Variants in NAV3 observed in about 807,000 individuals in gnomAD.
NAV3 encodes neuron navigator 3, also known as pore membrane and/or filament interacting like protein 1.
In NAV3, 87 loss-of-function variants were observed where a neutral mutation model predicts 244.7. That is an observed-to-expected ratio of 0.36 (90% CI 0.30 to 0.42). The LOEUF is 0.42. Among genes scored for constraint, NAV3 ranks in the 20% least tolerant of loss-of-function variants. The pLI is 1.00. For synonymous variants in NAV3, 1,126 were observed against 1,042.2 expected (o/e 1.08, Z -1.55); for missense variants, 2,663 against 2,893.3 (o/e 0.92, Z 1.83).
Position 78,034,680 on chromosome 12 carries a change from G to A in NAV3, c.2023+12818G>A, listed in dbSNP as rs11107942. 2.2e-3 allele frequency among the ~76,000 whole-genome samples: 332 copies of A among 152,240 alleles called. 4 individuals are homozygous for A. The East Asian group carries it at 0.055, about 25-fold the overall frequency. ...TAGCATATATACTAGTGTAACAAAT[G>A]TTAAATACATTGAAATTTCATAATT... On this transcript the variant is annotated intron_variant, in intron 9 of 39. Transcript: ENST00000397909.
At chr12:77,814,350 A>G (rs915554688) in intron 2 of NAV3, among the ~76,000 whole-genome samples, 3 of 152,166 alleles carry the variant, frequency 2.0e-5, no homozygotes, top group Admixed American at 2.0e-4. Context: ...TGGCCTCCAA[A>G]TCAAATATTC....
At chr12:77,927,943 G>A (rs1156363370) in intron 1 of NAV3, among the ~76,000 whole-genome samples, 1 of 151,982 alleles carries the variant, frequency 6.6e-6, no homozygotes, top group East Asian at 1.9e-4. Context: ...AATGCTGGAA[G>A]TGCACGGTGA....
intron 2 of NAV3, among the ~76,000 whole-genome samples, chr12:77,663,540 A>G (rs1449375595): frequency 1.9e-5 from 2 of 103,032 alleles, no homozygotes; most frequent in African/African-American, 1.3e-4. Flanking sequence ...TTTTTTTTTG[A>G]GACAGAGTTT....
intron 1 of NAV3, among the ~76,000 whole-genome samples, chr12:77,926,794 A>G (rs1210259389): frequency 6.6e-6 from 1 of 152,172 alleles, no homozygotes; most frequent in African/African-American, 2.4e-5. Flanking sequence ...TGCATTGGTC[A>G]AGAACCTGCA....
intron 2 of NAV3, among the ~76,000 whole-genome samples, chr12:77,638,666 A>C (rs1270629829): frequency 6.6e-6 from 1 of 152,204 alleles, no homozygotes; most frequent in African/African-American, 2.4e-5. Flanking sequence ...TGAATTTGTG[A>C]CAGTTTATAT....
At chr12:77,708,701 G>A (rs1875956025) in intron 2 of NAV3, among the ~76,000 whole-genome samples, 1 of 152,144 alleles carries the variant, frequency 6.6e-6, no homozygotes, top group Non-Finnish European at 1.5e-5. Context: ...AGCATGGAAT[G>A]TTCTTCCATT....
At chr12:77,869,345 A>G (rs571793377) in intron 1 of NAV3, among the ~76,000 whole-genome samples, 1 of 152,326 alleles carries the variant, frequency 6.6e-6, no homozygotes, top group Admixed American at 6.5e-5. Context: ...ATTAAGTAAA[A>G]ACAATTTTGA....
rs555939693 is a variant in NAV3 at position 77,781,257 on chromosome 12, G to A, written c.73-159062G>A. Among the ~76,000 whole-genome samples, 5 of 152,244 alleles carry A rather than the reference G, an allele frequency of 3.3e-5. No individual in the cohort carries two copies. In the South Asian group the frequency reaches 1.0e-3, roughly 32 times the overall value. On this transcript the variant is annotated intron_variant, in intron 2 of 8. Coordinates refer to the NAV3 transcript ENST00000550042. ...GCCTGAAAAGAGTAATTCAGGCCATGATGAGAATAGGGGATGGAACATGCC... is the reference window on the plus strand; with the variant it reads ...GCCTGAAAAGAGTAATTCAGGCCATAATGAGAATAGGGGATGGAACATGCC...
intron 3 of NAV3, among the ~76,000 whole-genome samples, chr12:77,961,472 A>G (rs977205809): frequency 1.7e-5 from 2 of 120,888 alleles, no homozygotes; most frequent in South Asian, 5.7e-4. Context: ...ATACATATGT[A>G]TCTATTACAT....
At chr12:77,952,346 A>T (rs145014756) in intron 3 of NAV3, among the ~76,000 whole-genome samples, 92 of 152,220 alleles carry the variant, frequency 6.0e-4, no homozygotes, top group African/African-American at 2.0e-3. Context: ...CTATTTGTTG[A>T]AAAGTTGATC....
intron 34 of NAV3, among the ~76,000 whole-genome samples, chr12:78,192,039 TAGG>T (rs1206051756): frequency 6.6e-6 from 1 of 152,148 alleles, no homozygotes; most frequent in Non-Finnish European, 1.5e-5. Flanking sequence ...TAAAACAAAA[TAGG>T]TAATTCCCAT....
intron 15 of NAV3, 108 bp downstream of exon 15, chr12:78,120,053 T>TATATC: frequency 1.6e-6 from 1 of 635,776 alleles, no homozygotes; most frequent in South Asian, 4.3e-5. Flanking sequence ...ATGTATAAGG[T>TATATC]ATATATATAT....
At chr12:77,835,453 G>A (rs551059724) in intron 1 of NAV3, among the ~76,000 whole-genome samples, 6 of 152,288 alleles carry the variant, frequency 3.9e-5, no homozygotes, top group African/African-American at 9.6e-5. Flanking sequence ...ACATATGACA[G>A]TGTCAGAAAT....
intron 28 of NAV3, 54 bp downstream of exon 28, chr12:78,177,739 T>G: frequency 1.3e-6 from 2 of 1,506,350 alleles, no homozygotes; most frequent in Non-Finnish European, 1.8e-6. Flanking sequence ...CTAACCTAAG[T>G]AGTGTTTGCT....
At chr12:77,772,832 A>G (rs898989260) in intron 2 of NAV3, among the ~76,000 whole-genome samples, 1 of 152,218 alleles carries the variant, frequency 6.6e-6, no homozygotes, top group Non-Finnish European at 1.5e-5. Context: ...GTTACATGAT[A>G]TCACTCAGAC....
At position 78,007,144 on chromosome 12, in the gene NAV3, A is replaced by G. The variant is rs1874376615; in HGVS notation, c.1606A>G (p.Thr536Ala). ...GIPKPGSKVP[T>A]VKQTISPGST... Reference sequence around the variant, plus strand: ...TCCAAAACCAGGCTCTAAAGTTCCAACAGTAAAGCAAACCATTTCACCTGG... The same window carrying G: ...TCCAAAACCAGGCTCTAAAGTTCCAGCAGTAAAGCAAACCATTTCACCTGG... The change falls in exon 8 of 40, where the codon ACA becomes GCA. Residue 536 changes from threonine to alanine, a missense_variant. By Grantham distance (58) the Thr-to-Ala change is moderately conservative. Around this residue, in one of 6 missense-constraint regions of NAV3, gnomAD observed 1,521 missense variants for 1,497.0 expected, o/e 1.02. Transcript: ENST00000397909. 1.2e-6 allele frequency: 2 copies of G among 1,614,110 alleles called. No homozygotes were observed. The highest frequency in any genetic ancestry group is 1.1e-5 in the South Asian group (1 of 91,088).
chr12:77,815,727 C>A (rs976762754), intron 2 of NAV3, among the ~76,000 whole-genome samples: 9 of 151,726 alleles, frequency 5.9e-5, no homozygotes, highest in Non-Finnish European at 1.0e-4. Context: ...TTTTTTTTCC[C>A]GACATCGCAT....
Position 77,882,024 on chromosome 12 carries a change from C to T in NAV3, c.243+50320C>T, listed in dbSNP as rs138682695. ...CCCAAAGCATTTTAAAGATGCAATG[C>T]TATTCCTATCAGACTACGAATGGAA... is the stretch of plus-strand genomic sequence containing the variant. On this transcript the variant is annotated intron_variant, in intron 1 of 39. Transcript: ENST00000397909. Among the ~76,000 whole-genome samples the T allele has an allele frequency of 1.3e-3, 204 of 152,162 alleles. 2 individuals are homozygous for T. The highest frequency in any genetic ancestry group is 4.5e-3 in the African/African-American group (188 of 41,532).
chr12:77,683,237 T>A (rs1221204292), intron 2 of NAV3, among the ~76,000 whole-genome samples: 1 of 152,282 alleles, frequency 6.6e-6, no homozygotes, highest in African/African-American at 2.4e-5. Flanking sequence ...CATGTGGTTT[T>A]CTAGTTTTCC....
Sources: gnomAD v4.1 joint callset for allele counts (sites outside exome capture counted in the v4.1 genomes callset) on GRCh38, gnomAD v4.1.1 for gene constraint, gnomAD v4.1.1 regional missense constraint, MANE v1.5 for transcripts, NCBI Gene and HGNC (gene_info 2026-07-23, HGNC 2026-07-21) for gene names.